Variants in ABTB2 observed in about 807,000 individuals in gnomAD.
ABTB2 encodes the protein ankyrin repeat and BTB domain containing 2.
ABTB2 carries 56 observed loss-of-function variants against 104.1 expected under a neutral mutation model. The observed-to-expected ratio is 0.54, with a 90% CI of 0.43 to 0.67. ABTB2 has a LOEUF of 0.67. Among genes scored for constraint, ABTB2 ranks in the 30% least tolerant of loss-of-function variants. The pLI, the probability that ABTB2 is intolerant of heterozygous loss-of-function variation, is 0.00. For missense variants in ABTB2, 1,279 were observed against 1,407.7 expected (o/e 0.91, Z 1.46); for synonymous variants, 606 against 608.2 (o/e 1.00, Z 0.05).
chr11:34,335,940 T>C, intron 1 of ABTB2: 1 of 650,476 alleles, frequency 1.5e-6, no homozygotes, highest in Middle Eastern at 3.5e-4. Context: ...ACGTTTTAAC[T>C]AAAGAGTAAA....
chr11:34,347,165 G>A (rs960633878), intron 1 of ABTB2, among the ~76,000 whole-genome samples: 1 of 152,240 alleles, frequency 6.6e-6, no homozygotes, highest in African/African-American at 2.4e-5. Flanking sequence ...GCCGGGCATG[G>A]TGGCTCATGC....
intron 3 of ABTB2, among the ~76,000 whole-genome samples, chr11:34,177,408 C>T (rs1852970938): frequency 1.3e-5 from 2 of 152,178 alleles, no homozygotes; most frequent in African/African-American, 4.8e-5. Flanking sequence ...AACTGCATTT[C>T]CCAGTCTCCT....
chr11:34,269,554 C>G (rs1464068407), intron 1 of ABTB2, among the ~76,000 whole-genome samples: 1 of 152,214 alleles, frequency 6.6e-6, no homozygotes, highest in Non-Finnish European at 1.5e-5. Flanking sequence ...TCACAACTCC[C>G]CACCTCGTCT....
intron 1 of ABTB2, among the ~76,000 whole-genome samples, chr11:34,261,351 T>G (rs535706096): frequency 6.9e-4 from 105 of 152,320 alleles, no homozygotes; most frequent in African/African-American, 2.4e-3. Flanking sequence ...TATGGACACA[T>G]CCTTGCTTGA....
chr11:34,162,407 C>T (rs533355573), intron 10 of ABTB2, among the ~76,000 whole-genome samples, 169 bp downstream of exon 10: 48 of 152,260 alleles, frequency 3.2e-4, no homozygotes, highest in African/African-American at 1.1e-3. Context: ...CTGAACTGGC[C>T]GTGTAGCAGG....
chr11:34,173,129 G>A (rs1168589098), intron 4 of ABTB2, 26 bp downstream of exon 4: 1 of 1,613,124 alleles, frequency 6.2e-7, no homozygotes, highest in East Asian at 2.2e-5. Context: ...TGGATGCCGG[G>A]GCCCTCCCTC....
At chr11:34,336,753 T>A (rs7944461) in intron 1 of ABTB2, among the ~76,000 whole-genome samples, 27,232 of 152,058 alleles carry the variant, frequency 0.18, 2,467 homozygotes, top group East Asian at 0.35. Context: ...GGGTTAATGC[T>A]TGCATATGGG....
At chr11:34,299,395 T>C (rs1483754903) in intron 1 of ABTB2, among the ~76,000 whole-genome samples, 2 of 152,232 alleles carry the variant, frequency 1.3e-5, no homozygotes, top group Non-Finnish European at 2.9e-5. Context: ...GTTCCTCTGA[T>C]GTTTAAGCCA....
intron 1 of ABTB2, among the ~76,000 whole-genome samples, chr11:34,299,312 G>T (rs12793055): frequency 2.0e-5 from 3 of 152,168 alleles, no homozygotes; most frequent in African/African-American, 7.2e-5. Flanking sequence ...GGCTATACAC[G>T]ATGGTCATGG....
chr11:34,195,075 C>CGGAGGG (rs1554982289), intron 3 of ABTB2, among the ~76,000 whole-genome samples: 1 of 18,066 alleles, frequency 5.5e-5, no homozygotes, highest in African/African-American at 1.1e-4. Context: ...AGATGCCCGG[C>CGGAGGG]GGGGGGGGGG....
intron 1 of ABTB2, among the ~76,000 whole-genome samples, chr11:34,213,555 G>C (rs901724176): frequency 6.6e-6 from 1 of 152,208 alleles, no homozygotes; most frequent in Admixed American, 6.5e-5. Flanking sequence ...TGCTGGCTCA[G>C]TGGCACTTTG....
chr11:34,315,776 C>T (rs574670089), intron 1 of ABTB2, among the ~76,000 whole-genome samples: 70 of 152,268 alleles, frequency 4.6e-4, no homozygotes, highest in Non-Finnish European at 7.4e-4. Flanking sequence ...AGAAATGACA[C>T]GAGCAGCCAC....
At chr11:34,291,451 C>A (rs2755151) in intron 1 of ABTB2, among the ~76,000 whole-genome samples, 119,836 of 152,158 alleles carry the variant, frequency 0.79, 48,042 homozygotes, top group African/African-American at 0.94. Flanking sequence ...TGTTCTTCGG[C>A]GTGGGGCACA....
intron 1 of ABTB2, among the ~76,000 whole-genome samples, chr11:34,223,442 C>T (rs975183266): frequency 1.3e-5 from 2 of 152,234 alleles, no homozygotes; most frequent in African/African-American, 4.8e-5. Context: ...TGCGCCACCC[C>T]ATTCCATTCA....
At position 34,164,676 on chromosome 11, in the gene ABTB2, G is replaced by T; in HGVS notation, c.1988+10C>A. 6.7e-7 allele frequency: 1 copy of T among 1,496,782 alleles called. No homozygotes were observed. The highest frequency in any genetic ancestry group is 8.8e-7 in the Non-Finnish European group (1 of 1,130,766). The allele number at this position is 1,496,782 out of a possible 1,614,324, so 92.7% of individuals were successfully genotyped here. On this transcript the variant is annotated intron_variant, in intron 9 of 16. Coordinates refer to ENST00000435224, the MANE Select transcript of ABTB2 (RefSeq NM_145804.3). Reference sequence around the variant, plus strand: ...TCATGTCACACAGGGTGGGAATCCCGGGCAGGTACCTGTGGCCGTGGGCAG... The same window carrying T: ...TCATGTCACACAGGGTGGGAATCCCTGGCAGGTACCTGTGGCCGTGGGCAG...
chr11:34,315,084 A>G (rs534904255), intron 1 of ABTB2, among the ~76,000 whole-genome samples: 60 of 152,352 alleles, frequency 3.9e-4, no homozygotes, highest in African/African-American at 1.3e-3. Flanking sequence ...TCAAAATTCC[A>G]TATTAAAAAG....
chr11:34,252,909 G>A lies in ABTB2; in HGVS notation c.884-48219C>T, dbSNP rs990158193. Among the ~76,000 whole-genome samples, 1 of 152,020 alleles carries A rather than the reference G, an allele frequency of 6.6e-6. No individual in the cohort carries two copies. Among genetic ancestry groups the A allele is most frequent in the African/African-American group, 2.4e-5 (1 of 41,394 alleles). ...CTGGCCTGCACATGGCTCAGGGCCC[G>A]ATTCCACCCCTCCACCCCCAGGAGG... On this transcript the variant is annotated intron_variant, in intron 1 of 16. Transcript: ENST00000435224. This position sits in a 1 kb window ranked among gnomAD's most constrained non-coding sequence, Gnocchi z 5.5.
At chr11:34,227,620 A>C (rs1853704781) in intron 1 of ABTB2, among the ~76,000 whole-genome samples, 1 of 152,238 alleles carries the variant, frequency 6.6e-6, no homozygotes, top group South Asian at 2.1e-4. Context: ...TTTGGCTATT[A>C]CAAACAATGC....
intron 1 of ABTB2, among the ~76,000 whole-genome samples, chr11:34,258,628 T>TTTTTTA (rs1854153224): frequency 7.0e-6 from 1 of 143,690 alleles, no homozygotes; most frequent in African/African-American, 2.6e-5. Flanking sequence ...TTTTTTTTTT[T>TTTTTTA]GAGACGGAGT....
Sources: gnomAD v4.1 joint callset for allele counts (sites outside exome capture counted in the v4.1 genomes callset) on GRCh38, gnomAD v4.1.1 for gene constraint, Gnocchi (gnomAD v3.1) non-coding constraint, MANE v1.5 for transcripts, NCBI Gene and HGNC (gene_info 2026-07-23, HGNC 2026-07-21) for gene names.